DAPL1: variants seen among roughly 807,000 people sequenced by gnomAD.
DAPL1 encodes death associated protein like 1, also known as death-associated protein-like 1.
DAPL1 carries 17 observed loss-of-function variants against 12.9 expected under a neutral mutation model. The ratio of observed to expected loss-of-function variants is 1.32; its 90% confidence interval spans 0.90 to 1.98. The LOEUF is 1.98. Ranked by LOEUF, DAPL1 falls within the 30% of genes most tolerant of loss-of-function variation. DAPL1 has a pLI of 0.00. For missense variants in DAPL1, 157 were observed against 125.7 expected (o/e 1.25, Z -1.19); for synonymous variants, 51 against 42.0 (o/e 1.21, Z -0.82).
chr2:158,811,510 T>C (rs2059230249), intron 3 of DAPL1, among the ~76,000 whole-genome samples: 1 of 152,158 alleles, frequency 6.6e-6, no homozygotes, highest in Admixed American at 6.5e-5. Context: ...GGCTCTCTAG[T>C]CATAAAGACC....
intron 3 of DAPL1, among the ~76,000 whole-genome samples, chr2:158,812,154 C>T (rs1239766995): frequency 1.3e-5 from 2 of 152,154 alleles, no homozygotes; most frequent in Non-Finnish European, 2.9e-5. Context: ...CTCTGGGCAC[C>T]CCAAAAGCTG....
chr2:158,809,690 G>A (rs558407349), intron 3 of DAPL1, among the ~76,000 whole-genome samples: 14 of 152,282 alleles, frequency 9.2e-5, no homozygotes, highest in African/African-American at 3.1e-4. Flanking sequence ...AGGATACTTA[G>A]CCCTCAGCAA....
intron 3 of DAPL1, among the ~76,000 whole-genome samples, chr2:158,814,892 A>C (rs10203540): frequency 0.04 from 6,143 of 152,234 alleles, 427 homozygotes; most frequent in African/African-American, 0.14. Context: ...GAAACCAAGA[A>C]CTAGCATGGA....
Position 158,815,851 on chromosome 2 carries a change from A to G in DAPL1, c.*30A>G, listed in dbSNP as rs1349767383. On this transcript the variant is annotated 3_prime_UTR_variant, in exon 4 of 4. Transcript: ENST00000309950. The stretch of plus-strand genomic sequence containing the variant: ...GGATTTAAAACACAGCCGTCTGGCC[A>G]GCTGCCTCGAATATCTGACAGCTTA... The G allele has an allele frequency of 4.0e-6, 6 of 1,502,662 alleles. No homozygotes were observed. In the African/African-American group the frequency reaches 8.2e-5, roughly 21 times the overall value. The allele number at this position is 1,502,662 out of a possible 1,614,324, so 93.1% of individuals were successfully genotyped here.
intron 1 of DAPL1, among the ~76,000 whole-genome samples, chr2:158,797,753 T>A (rs1223671838): frequency 6.6e-6 from 1 of 151,474 alleles, no homozygotes; most frequent in Non-Finnish European, 1.5e-5. Context: ...ATCACGCCAC[T>A]GCACTCCAGC....
At chr2:158,812,794 CA>C (rs148850724) in intron 3 of DAPL1, among the ~76,000 whole-genome samples, 2,031 of 124,390 alleles carry the variant, frequency 0.016, 30 homozygotes, top group Middle Eastern at 0.074. Flanking sequence ...AACCTCAGCT[CA>C]AAAAAAAAAA....
intron 3 of DAPL1, among the ~76,000 whole-genome samples, chr2:158,808,010 G>A (rs950613902): frequency 2.6e-5 from 4 of 152,210 alleles, no homozygotes; most frequent in Non-Finnish European, 5.9e-5. Flanking sequence ...GTAGACAGTG[G>A]TTTGGTTTTC....
chr2:158,795,602 A>T (rs2059130335), intron 1 of DAPL1, among the ~76,000 whole-genome samples, 172 bp downstream of exon 1: 1 of 152,080 alleles, frequency 6.6e-6, no homozygotes, highest in Admixed American at 6.5e-5. Context: ...CTTGTATGTA[A>T]ATCCACCCGG....
At chr2:158,796,405 G>A (rs1375841837) in intron 1 of DAPL1, among the ~76,000 whole-genome samples, 3 of 152,142 alleles carry the variant, frequency 2.0e-5, no homozygotes, top group Non-Finnish European at 4.4e-5. Flanking sequence ...CGGGTAGCCT[G>A]GCCAAAAAGA....
At chr2:158,809,248 C>T (rs1011285478) in intron 3 of DAPL1, among the ~76,000 whole-genome samples, 1 of 149,602 alleles carries the variant, frequency 6.7e-6, no homozygotes, top group African/African-American at 2.5e-5. Context: ...ATCCCAGCTA[C>T]TCAGGAGGCT....
intron 2 of DAPL1, 95 bp downstream of exon 2, chr2:158,804,464 T>C (rs2059188538): frequency 2.3e-6 from 2 of 864,910 alleles, no homozygotes; most frequent in Non-Finnish European, 1.8e-6. Flanking sequence ...TCCCTATGCC[T>C]TTGGAGGCAG....
intron 1 of DAPL1, among the ~76,000 whole-genome samples, chr2:158,800,942 C>A (rs34769043): frequency 0.036 from 5,416 of 152,264 alleles, 137 homozygotes; most frequent in South Asian, 0.063. Flanking sequence ...CAGGTTCAAG[C>A]AATTCTCCTG....
At position 158,806,116 on chromosome 2, in the gene DAPL1, C is replaced by CT. The variant is rs1181230278; in HGVS notation, c.147-936dup. On this transcript the variant is annotated intron_variant, in intron 2 of 3. Transcript: ENST00000309950. The stretch of plus-strand genomic sequence containing the variant: ...GCCTTGTTTTCATGGACAAACACTC[C>CT]TTTGTATGTCATCTTAGAGAATAGC... Among the ~76,000 whole-genome samples, 2 of 148,194 alleles carry CT rather than the reference C, an allele frequency of 1.3e-5. 1 individual carries two copies. Among genetic ancestry groups the CT allele is most frequent in the Non-Finnish European group, 3.0e-5 (2 of 66,220 alleles).
chr2:158,815,390 T>C (rs1489588059), intron 3 of DAPL1, among the ~76,000 whole-genome samples: 3 of 152,200 alleles, frequency 2.0e-5, no homozygotes, highest in African/African-American at 7.2e-5. Flanking sequence ...ATTCAGTGAT[T>C]CATAGATGCA....
Position 158,806,972 on chromosome 2 carries a change from G to A in DAPL1, c.147-83G>A, listed in dbSNP as rs938576680. On this transcript the variant is annotated intron_variant, in intron 2 of 3. Transcript: ENST00000309950. ...CAAAGTGAAAGCATAAAAGGCTGGAGAGACAGCCCTCTATAAATCATGTGG... is the reference window on the plus strand; with the variant it reads ...CAAAGTGAAAGCATAAAAGGCTGGAAAGACAGCCCTCTATAAATCATGTGG... 6.9e-6 allele frequency: 7 copies of A among 1,014,792 alleles called. No homozygotes were observed. In the African/African-American group the frequency reaches 9.5e-5, roughly 14 times the overall value. The allele number at this position is 1,014,792 out of a possible 1,614,324, so 62.9% of individuals were successfully genotyped here. A position where few individuals can be genotyped will look rare whatever the true frequency, so the allele number is the denominator to read the frequency against.
intron 3 of DAPL1, among the ~76,000 whole-genome samples, chr2:158,811,022 G>A (rs1202663495): frequency 6.6e-6 from 1 of 152,196 alleles, no homozygotes; most frequent in African/African-American, 2.4e-5. Flanking sequence ...GGACAGTCAT[G>A]GCAATAAATT....
intron 1 of DAPL1, among the ~76,000 whole-genome samples, chr2:158,800,962 C>A (rs1157570482): frequency 6.6e-6 from 1 of 152,182 alleles, no homozygotes; most frequent in Non-Finnish European, 1.5e-5. Flanking sequence ...GTCTCAGCCT[C>A]CCAAATAGTG....
intron 1 of DAPL1, 98 bp downstream of exon 1, chr2:158,795,528 T>C (rs2059130071): frequency 8.5e-7 from 1 of 1,174,638 alleles, no homozygotes; most frequent in Non-Finnish European, 1.2e-6. Flanking sequence ...AGCTTCTCTG[T>C]CTACCCAGTA....
At chr2:158,797,546 C>T (rs1449000680) in intron 1 of DAPL1, among the ~76,000 whole-genome samples, 1 of 152,166 alleles carries the variant, frequency 6.6e-6, no homozygotes, top group African/African-American at 2.4e-5. Flanking sequence ...AATCCCAGCA[C>T]TTTGGGAGGC....
Sources: gnomAD v4.1 joint callset for allele counts (sites outside exome capture counted in the v4.1 genomes callset) on GRCh38, gnomAD v4.1.1 for gene constraint, MANE v1.5 for transcripts, NCBI Gene and HGNC (gene_info 2026-07-23, HGNC 2026-07-21) for gene names.